The following EDIL3 variants were observed in gnomAD, a reference collection of about 807,000 sequenced individuals.
The protein encoded by EDIL3 is EGF like and discoidin domains 3.
Under a neutral mutation model 67.4 loss-of-function variants are expected in EDIL3, and 37 were observed. That is an observed-to-expected ratio of 0.55 (90% CI 0.42 to 0.72). EDIL3 has a LOEUF of 0.72. Ranked by LOEUF, EDIL3 falls within the 30% of genes least tolerant of loss-of-function variation. EDIL3 has a pLI of 0.00. For synonymous variants in EDIL3, 195 were observed against 196.3 expected (o/e 0.99, Z 0.05); for missense variants, 527 against 586.3 (o/e 0.90, Z 1.04).
intron 3 of EDIL3, among the ~76,000 whole-genome samples, chr5:84,181,671 T>C (rs926565638): frequency 6.6e-6 from 1 of 152,122 alleles, no homozygotes; most frequent in African/African-American, 2.4e-5. Context: ...ACAGTCTTCT[T>C]CCTGCAGGAT....
chr5:83,971,016 GT>G (rs932414815), intron 9 of EDIL3, among the ~76,000 whole-genome samples: 11 of 148,848 alleles, frequency 7.4e-5, no homozygotes, highest in East Asian at 4.0e-4. Context: ...TATTTCTGAG[GT>G]TTTTTTTTGT....
chr5:83,979,012 A>T (rs373808397), intron 9 of EDIL3, among the ~76,000 whole-genome samples: 1 of 152,144 alleles, frequency 6.6e-6, no homozygotes, highest in African/African-American at 2.4e-5. Flanking sequence ...AAAAGAAAAC[A>T]TAGAGTCTGA....
At chr5:84,315,813 T>C (rs960987083) in intron 1 of EDIL3, among the ~76,000 whole-genome samples, 1 of 152,014 alleles carries the variant, frequency 6.6e-6, no homozygotes, top group Non-Finnish European at 1.5e-5. Flanking sequence ...AATCGTCAGA[T>C]TCACCCAGGT....
intron 1 of EDIL3, among the ~76,000 whole-genome samples, chr5:84,369,299 A>G (rs1388262632): frequency 6.6e-6 from 1 of 151,926 alleles, no homozygotes; most frequent in Admixed American, 6.6e-5. Context: ...ATACATATAT[A>G]CATACATACC....
chr5:84,031,571 T>C (rs1174102192), intron 9 of EDIL3, among the ~76,000 whole-genome samples: 1 of 152,296 alleles, frequency 6.6e-6, no homozygotes, highest in Admixed American at 6.5e-5. Context: ...CTGGTATCCA[T>C]GCAAGAAGAG....
chr5:84,087,519 T>C (rs1167153096), intron 6 of EDIL3, among the ~76,000 whole-genome samples: 2 of 152,246 alleles, frequency 1.3e-5, no homozygotes, highest in African/African-American at 4.8e-5. Context: ...CATTCAAATA[T>C]ATTTACTGAG....
At chr5:84,345,918 A>G (rs747662630) in intron 1 of EDIL3, among the ~76,000 whole-genome samples, 1 of 152,192 alleles carries the variant, frequency 6.6e-6, no homozygotes, top group Non-Finnish European at 1.5e-5. Context: ...GTAGATCCCT[A>G]TGAAAACACA....
chr5:84,090,754 T>C lies in EDIL3; in HGVS notation c.651+15895A>G, dbSNP rs146204634. Among the ~76,000 whole-genome samples the C allele has an allele frequency of 6.5e-3, 993 of 152,060 alleles. 11 individuals carry two copies. The highest frequency in any genetic ancestry group is 0.023 in the African/African-American group (945 of 41,498). On this transcript the variant is annotated intron_variant, in intron 6 of 10. Transcript: ENST00000296591. ...CGAGCTCAAGAGACCGAGACCATCC[T>C]GGCCAACATGGTGAAACCTTATCTC...
intron 3 of EDIL3, among the ~76,000 whole-genome samples, chr5:84,221,438 C>A (rs1460895024): frequency 6.6e-6 from 1 of 152,050 alleles, no homozygotes; most frequent in Non-Finnish European, 1.5e-5. Context: ...TCCTGTTCTA[C>A]AGCAAAGTTT....
chr5:84,175,226 G>C lies in EDIL3; in HGVS notation c.355+5167C>G, dbSNP rs1748882096. Among the ~76,000 whole-genome samples the C allele has an allele frequency of 4.0e-5, 6 of 151,816 alleles. No homozygotes were observed. The South Asian group carries it at 1.2e-3, about 31-fold the overall frequency. On this transcript the variant is annotated intron_variant, in intron 4 of 10. Coordinates refer to ENST00000296591, the MANE Select transcript of EDIL3 (RefSeq NM_005711.5). ...AATCCAACACAACAAAAAGCTAAAAGAAGCCATCAAGTTAAAATTATAAAG... is the reference window on the plus strand; with the variant it reads ...AATCCAACACAACAAAAAGCTAAAACAAGCCATCAAGTTAAAATTATAAAG...
At chr5:84,212,073 A>C (rs1744131843) in intron 3 of EDIL3, among the ~76,000 whole-genome samples, 1 of 151,984 alleles carries the variant, frequency 6.6e-6, no homozygotes. Context: ...CTTGCTCTCT[A>C]TTGCTGTATG....
intron 6 of EDIL3, among the ~76,000 whole-genome samples, chr5:84,105,959 A>G (rs1243909257): frequency 1.3e-5 from 2 of 152,054 alleles, no homozygotes; most frequent in Non-Finnish European, 2.9e-5. Context: ...GATGGTTATT[A>G]ATGTGCTTTC....
At chr5:84,069,634 T>C (rs1374147483) in intron 6 of EDIL3, among the ~76,000 whole-genome samples, 2 of 152,048 alleles carry the variant, frequency 1.3e-5, no homozygotes, top group East Asian at 3.9e-4. Flanking sequence ...GCCAGAAAAT[T>C]TGGATTTTGA....
chr5:84,034,020 A>G (rs1222325525), intron 9 of EDIL3, among the ~76,000 whole-genome samples: 1 of 152,188 alleles, frequency 6.6e-6, no homozygotes, highest in Non-Finnish European at 1.5e-5. Flanking sequence ...AAAACTCCAG[A>G]TTGAACTGGT....
At chr5:84,116,305 A>G (rs1438742168) in intron 5 of EDIL3, among the ~76,000 whole-genome samples, 1 of 152,158 alleles carries the variant, frequency 6.6e-6, no homozygotes, top group Non-Finnish European at 1.5e-5. Context: ...TGTGGAAGAA[A>G]TGACAGAGAG....
chr5:83,943,061 C>G lies in EDIL3; in HGVS notation c.*358G>C, dbSNP rs925865461. Reference sequence around the variant, plus strand: ...ATTGATTGTAAAAGCTCTATCAACTCTTGCTCTTATTTGATGACTTTGAGA... The same window carrying G: ...ATTGATTGTAAAAGCTCTATCAACTGTTGCTCTTATTTGATGACTTTGAGA... On this transcript the variant is annotated 3_prime_UTR_variant, in exon 11 of 11. Transcript: ENST00000296591. 4.1e-6 allele frequency: 1 copy of G among 241,704 alleles called. No individual in the cohort carries two copies. The highest frequency in any genetic ancestry group is 2.4e-5 in the African/African-American group (1 of 42,468). 15.0% of individuals were successfully genotyped at this position (241,704 alleles called of 1,614,324 possible). A position where few individuals can be genotyped will look rare whatever the true frequency, so the allele number is the denominator to read the frequency against.
intron 9 of EDIL3, among the ~76,000 whole-genome samples, chr5:83,973,013 G>A (rs1317479542): frequency 6.6e-6 from 1 of 151,944 alleles, no homozygotes; most frequent in Non-Finnish European, 1.5e-5. Context: ...AGAGATTAAA[G>A]CATATTTGAA....
At chr5:84,208,606 G>C (rs1333946293) in intron 3 of EDIL3, among the ~76,000 whole-genome samples, 1 of 148,644 alleles carries the variant, frequency 6.7e-6, no homozygotes, top group Admixed American at 6.8e-5. Context: ...GTGAACCCGG[G>C]AAGCGGAGCT....
At chr5:84,205,391 A>T (rs192330675) in intron 3 of EDIL3, among the ~76,000 whole-genome samples, 29 of 152,308 alleles carry the variant, frequency 1.9e-4, no homozygotes, top group South Asian at 8.3e-4. Context: ...AGCCAGAAAA[A>T]CAATGAAGTC....
Sources: gnomAD v4.1 joint callset for allele counts (sites outside exome capture counted in the v4.1 genomes callset) on GRCh38, gnomAD v4.1.1 for gene constraint, MANE v1.5 for transcripts, NCBI Gene and HGNC (gene_info 2026-07-23, HGNC 2026-07-21) for gene names.